UBTFL1: variants seen among roughly 807,000 people sequenced by gnomAD.
The protein encoded by UBTFL1 is upstream-binding factor 1-like protein 1.
In UBTFL1, 9 loss-of-function variants were observed where a neutral mutation model predicts 34.1. That is an observed-to-expected ratio of 0.26 (90% CI 0.16 to 0.46). The LOEUF (loss-of-function observed/expected upper bound fraction) is 0.46, where lower values mean the gene tolerates loss of function less well. Among genes scored for constraint, UBTFL1 ranks in the 20% least tolerant of loss-of-function variants. The pLI is 1.00. For synonymous variants in UBTFL1, 56 were observed against 141.6 expected, an observed-to-expected ratio of 0.40 and a Z score of 4.29; for missense variants, 146 against 418.4, an observed-to-expected ratio of 0.35 and a Z score of 5.68.
chr11:90,086,255 G>T lies in UBTFL1; in HGVS notation c.306G>T (p.Arg102Ser). The T allele has an allele frequency of 6.5e-7, 1 of 1,539,116 alleles. No individual in the cohort carries two copies. Among genetic ancestry groups the T allele is most frequent in the Non-Finnish European group, 8.8e-7 (1 of 1,139,328 alleles). ...GGAACGGTCCAGACTTTCCAAAGAG[G>T]CCCCTTACTGCTTACAATCGCTTCT... ...KYRNGPDFPKRPLTAYNRFFK... is the reference protein window; with the variant it reads ...KYRNGPDFPKSPLTAYNRFFK... Residue 102 changes from arginine (R) to serine (S), a missense_variant, in exon 1 of 1, where the codon AGG becomes AGT. By Grantham distance (110) the Arg-to-Ser change is moderately radical. This residue lies in a region of UBTFL1 where 82 missense variants were observed against 133.3 expected (regional missense o/e 0.62). Coordinates refer to ENST00000530464, the MANE Select transcript of UBTFL1 (RefSeq NM_001143975.1).
chr11:90,086,176 T>C lies in UBTFL1; in HGVS notation c.227T>C (p.Leu76Ser), dbSNP rs1159779953. The change falls in exon 1 of 1, where the codon TTA becomes TCA. Residue 76 changes from leucine (L) to serine (S), a missense_variant. This residue lies in a region of UBTFL1 where 82 missense variants were observed against 133.3 expected (regional missense o/e 0.62). Transcript: ENST00000530464. ...NLRKFGTLKE[L>S]VLEAKKCVKK... is the part of the protein sequence containing the mutation. The stretch of plus-strand genomic sequence containing the variant: ...AGAAAATTCGGCACTTTGAAAGAAT[T>C]AGTCCTGGAAGCTAAGAAATGTGTT... 6.5e-7 allele frequency: 1 copy of C among 1,533,662 alleles called. No individual in the cohort carries two copies. Among genetic ancestry groups the C allele is most frequent in the South Asian group, 1.1e-5 (1 of 87,562 alleles).
chr11:90,086,166 T>C lies in UBTFL1; in HGVS notation c.217T>C (p.Leu73=), dbSNP rs751376348. 1 of 1,531,004 alleles carries C rather than the reference T, an allele frequency of 6.5e-7. No individual in the cohort carries two copies. Among genetic ancestry groups the C allele is most frequent in the South Asian group, 1.1e-5 (1 of 87,426 alleles). 94.8% of individuals were successfully genotyped at this position (1,531,004 alleles called of 1,614,324 possible). The stretch of plus-strand genomic sequence containing the variant: ...TTGCAACTTGAGAAAATTCGGCACT[T>C]TGAAAGAATTAGTCCTGGAAGCTAA... ...ISCNLRKFGT[L]KELVLEAKKC... The change falls in exon 1 of 1, where the codon TTG becomes CTG. Residue 73 remains leucine (L), a synonymous_variant. Coordinates refer to ENST00000530464, the MANE Select transcript of UBTFL1 (RefSeq NM_001143975.1).
rs3016457 is a variant in UBTFL1 at position 90,086,235 on chromosome 11, G to A, written c.286G>A (p.Gly96Ser). 40 of 1,521,026 alleles carry A rather than the reference G, an allele frequency of 2.6e-5. 4 individuals carry two copies. The African/African-American group carries it at 5.0e-4, about 19-fold the overall frequency. The allele number at this position is 1,521,026 out of a possible 1,614,324, so 94.2% of individuals were successfully genotyped here. ...GAACAAAAGCCAAAAATACAGGAAC[G>A]GTCCAGACTTTCCAAAGAGGCCCCT... ...KMNKSQKYRN[G>S]PDFPKRPLTA... The change falls in exon 1 of 1, where the codon GGT becomes AGT. Residue 96 changes from glycine to serine, a missense_variant. Transcript: ENST00000530464.
In UBTFL1 at chr11:90,086,150, G is replaced by A; in HGVS notation, c.201G>A (p.Leu67=). ...AATGGTTAGAGATTTCTTGCAACTT[G>A]AGAAAATTCGGCACTTTGAAAGAAT... ...RLKWLEISCN[L]RKFGTLKELV... is the part of the protein sequence containing the mutation. Residue 67 remains leucine, a synonymous_variant, in exon 1 of 1, where the codon TTG becomes TTA. Transcript: ENST00000530464. 1 of 1,532,498 alleles carries A rather than the reference G, an allele frequency of 6.5e-7. No individual in the cohort carries two copies. The highest frequency in any genetic ancestry group is 8.9e-7 in the Non-Finnish European group (1 of 1,128,682). The allele number at this position is 1,532,498 out of a possible 1,614,324, so 94.9% of individuals were successfully genotyped here. A position where few individuals can be genotyped will look rare whatever the true frequency, so the allele number is the denominator to read the frequency against.
Position 90,086,229 on chromosome 11 carries a change from A to C in UBTFL1, c.280A>C (p.Arg94=). The change falls in exon 1 of 1, where the codon AGG becomes CGG. Residue 94 remains arginine, a synonymous_variant. Transcript: ENST00000530464. ...VKKMNKSQKY[R]NGPDFPKRPL... ...AAAGATGAACAAAAGCCAAAAATAC[A>C]GGAACGGTCCAGACTTTCCAAAGAG... The C allele has an allele frequency of 5.2e-6, 8 of 1,549,568 alleles. 1 individual carries two copies. Among genetic ancestry groups the C allele is most frequent in the Non-Finnish European group, 7.0e-6 (8 of 1,147,924 alleles).
Position 90,086,276 on chromosome 11 carries a change from C to T in UBTFL1, c.327C>T (p.Arg109=). The change falls in exon 1 of 1, where the codon CGC becomes CGT. Residue 109 remains arginine (R), a synonymous_variant. Coordinates refer to ENST00000530464, the MANE Select transcript of UBTFL1 (RefSeq NM_001143975.1). ...AGAGGCCCCTTACTGCTTACAATCG[C>T]TTCTTCAAGGAGAGTTGGCCCCAGT... ...FPKRPLTAYN[R]FFKESWPQYS... 2.0e-6 allele frequency: 3 copies of T among 1,527,064 alleles called. No homozygotes were observed. Among genetic ancestry groups the T allele is most frequent in the Non-Finnish European group, 2.7e-6 (3 of 1,130,550 alleles). 94.6% of individuals were successfully genotyped at this position (1,527,064 alleles called of 1,614,324 possible). A position where few individuals can be genotyped will look rare whatever the true frequency, so the allele number is the denominator to read the frequency against.
the UBTFL1 span, chr11:90,086,763 C>T: frequency 1.3e-6 from 2 of 1,561,770 alleles, no homozygotes; most frequent in Non-Finnish European, 8.7e-7. Flanking sequence ...TTTTAAGAGC[C>T]AGGCTGAGGA....
chr11:90,086,463 C>T lies in UBTFL1; in HGVS notation c.514C>T (p.Pro172Ser). ...EKLARFREEH[P>S]DLVQKAKKSS... The stretch of plus-strand genomic sequence containing the variant: ...ACTTGCTCGATTCAGGGAAGAACAC[C>T]CTGATTTAGTCCAGAAGGCCAAGAA... Residue 172 changes from proline (P) to serine (S), a missense_variant, in exon 1 of 1, where the codon CCT (proline) becomes TCT (serine). Around this residue, in one of 6 missense-constraint regions of UBTFL1, gnomAD observed 82 missense variants for 133.3 expected, o/e 0.62. Coordinates refer to ENST00000530464, the MANE Select transcript of UBTFL1 (RefSeq NM_001143975.1). The T allele has an allele frequency of 4.0e-6, 6 of 1,495,872 alleles. No homozygotes were observed. Among genetic ancestry groups the T allele is most frequent in the Non-Finnish European group, 5.4e-6 (6 of 1,108,252 alleles). The allele number at this position is 1,495,872 out of a possible 1,614,324, so 92.7% of individuals were successfully genotyped here.
Position 90,086,067 on chromosome 11 carries a change from C to G in UBTFL1, c.118C>G (p.His40Asp). The stretch of plus-strand genomic sequence containing the variant: ...CAGCACGTTTAGCTCAACTCAGTCA[C>G]ACATGGACTGGGGAAAAGTAGCTTT... ...DNSTFSSTQS[H>D]MDWGKVAFKN... Residue 40 changes from histidine to aspartate, a missense_variant, in exon 1 of 1, where the codon CAC (histidine) becomes GAC (aspartate). Coordinates refer to ENST00000530464, the MANE Select transcript of UBTFL1 (RefSeq NM_001143975.1). 2 of 1,570,978 alleles carry G rather than the reference C, an allele frequency of 1.3e-6. No individual in the cohort carries two copies.
rs1263455331 is a variant in UBTFL1, at chr11:90,086,942, G to A, written c.993G>A (p.Lys331=). ...CAGATCCACAGTCCTCATCAGCAAA[G>A]GGTCTGCAAGAAGGGTTTGGGGAGG... ...KQADPQSSSA[K]GLQEGFGEGQ... is the part of the protein sequence containing the mutation. Residue 331 remains lysine (K), a synonymous_variant, in exon 1 of 1, where the codon AAG becomes AAA. Coordinates refer to ENST00000530464, the MANE Select transcript of UBTFL1 (RefSeq NM_001143975.1). 1 of 1,014,608 alleles carries A rather than the reference G, an allele frequency of 9.9e-7. No individual in the cohort carries two copies. The highest frequency in any genetic ancestry group is 1.4e-6 in the Non-Finnish European group (1 of 695,748). 62.9% of individuals were successfully genotyped at this position (1,014,608 alleles called of 1,614,324 possible).
chr11:90,086,100 T>A lies in UBTFL1; in HGVS notation c.151T>A (p.Phe51Ile). The A allele has an allele frequency of 6.4e-7, 1 of 1,570,368 alleles. No homozygotes were observed. The highest frequency in any genetic ancestry group is 8.6e-7 in the Non-Finnish European group (1 of 1,158,580). Residue 51 changes from phenylalanine to isoleucine, a missense_variant, in exon 1 of 1, where the codon TTT (phenylalanine) becomes ATT (isoleucine). Physicochemically the swap from Phe to Ile is conservative, Grantham distance 21. Transcript: ENST00000530464. ...CTGGGGAAAAGTAGCTTTTAAAAAC[T>A]TTTCTGGTGAAATGTGCAGACTCAA... is the stretch of plus-strand genomic sequence containing the variant. Reference protein sequence around the residue: ...MDWGKVAFKNFSGEMCRLKWL... With the variant: ...MDWGKVAFKNISGEMCRLKWL...
In UBTFL1 at chr11:90,086,791, A is replaced by C. The variant is rs1406441228; in HGVS notation, c.842A>C (p.Lys281Thr). The C allele has an allele frequency of 1.3e-6, 2 of 1,526,924 alleles. No individual in the cohort carries two copies. The highest frequency in any genetic ancestry group is 1.8e-6 in the Non-Finnish European group (2 of 1,126,362). 94.6% of individuals were successfully genotyped at this position (1,526,924 alleles called of 1,614,324 possible). ...GCTGAGGAGCTGCAGAAGCAATACA[A>C]GGTGAAATTGGATCTCTGGCTCAAG... ...SQAEELQKQY[K>T]VKLDLWLKTL... The change falls in exon 1 of 1, where the codon AAG becomes ACG. Residue 281 changes from lysine (K) to threonine (T), a missense_variant. Coordinates refer to ENST00000530464, the MANE Select transcript of UBTFL1 (RefSeq NM_001143975.1).
In UBTFL1 at chr11:90,086,773, A is replaced by G. The variant is rs1240990486; in HGVS notation, c.824A>G (p.Glu275Gly). The part of the protein sequence containing the change: ...QKDHFKSQAE[E>G]LQKQYKVKLD... ...GATCATTTTAAGAGCCAGGCTGAGG[A>G]GCTGCAGAAGCAATACAAGGTGAAA... The change falls in exon 1 of 1, where the codon GAG (glutamate) becomes GGG (glycine). Residue 275 changes from glutamate (E) to glycine (G), a missense_variant. Physicochemically the swap from Glu to Gly is moderately conservative, Grantham distance 98 (BLOSUM62 -2). Around this residue, in one of 6 missense-constraint regions of UBTFL1, gnomAD observed 36 missense variants for 93.7 expected, o/e 0.38. Coordinates refer to ENST00000530464, the MANE Select transcript of UBTFL1 (RefSeq NM_001143975.1). 5.1e-5 allele frequency: 80 copies of G among 1,560,846 alleles called. 6 individuals carry two copies. The highest frequency in any genetic ancestry group is 1.8e-5 in the Non-Finnish European group (21 of 1,154,314).
rs1206797196 is a variant in UBTFL1, at chr11:90,086,130, T to A, written c.181T>A (p.Leu61Ile). ...FSGEMCRLKW[L>I]EISCNLRKFG... ...TGGTGAAATGTGCAGACTCAAATGGTTAGAGATTTCTTGCAACTTGAGAAA... is the reference window on the plus strand; with the variant it reads ...TGGTGAAATGTGCAGACTCAAATGGATAGAGATTTCTTGCAACTTGAGAAA... Residue 61 changes from leucine (L) to isoleucine (I), a missense_variant, in exon 1 of 1, where the codon TTA becomes ATA. This residue lies in a region of UBTFL1 where 82 missense variants were observed against 133.3 expected (regional missense o/e 0.62). Transcript: ENST00000530464. The A allele has an allele frequency of 1.3e-6, 2 of 1,543,000 alleles. No individual in the cohort carries two copies. The highest frequency in any genetic ancestry group is 2.7e-5 in the African/African-American group (2 of 73,644).
Position 90,086,665 on chromosome 11 carries a change from G to C in UBTFL1, c.716G>C (p.Ser239Thr), listed in dbSNP as rs200741634. 6.2e-4 allele frequency: 888 copies of C among 1,422,990 alleles called. 186 individuals carry two copies. The highest frequency in any genetic ancestry group is 7.9e-4 in the Non-Finnish European group (841 of 1,067,168). 88.1% of individuals were successfully genotyped at this position (1,422,990 alleles called of 1,614,324 possible). The stretch of plus-strand genomic sequence containing the variant: ...AAGTTTCACCAAGATTCCTGGTCAA[G>C]TAAAGAGATGCAACATTTGTCAGTG... ...YHKFHQDSWS[S>T]KEMQHLSVRE... The change falls in exon 1 of 1, where the codon AGT (serine) becomes ACT (threonine). Residue 239 changes from serine to threonine, a missense_variant. Ser to Thr is a moderately conservative substitution (Grantham distance 58). This residue lies in a region of UBTFL1 where 36 missense variants were observed against 93.7 expected (regional missense o/e 0.38). Transcript: ENST00000530464.
chr11:90,086,249 A>G lies in UBTFL1; in HGVS notation c.300A>G (p.Pro100=). ...AATACAGGAACGGTCCAGACTTTCC[A>G]AAGAGGCCCCTTACTGCTTACAATC... ...SQKYRNGPDF[P]KRPLTAYNRF... The change falls in exon 1 of 1, where the codon CCA becomes CCG. Residue 100 remains proline, a synonymous_variant. Coordinates refer to ENST00000530464, the MANE Select transcript of UBTFL1 (RefSeq NM_001143975.1). 2 of 1,548,024 alleles carry G rather than the reference A, an allele frequency of 1.3e-6. No individual in the cohort carries two copies. Among genetic ancestry groups the G allele is most frequent in the Non-Finnish European group, 1.7e-6 (2 of 1,146,540 alleles).
Position 90,086,142 on chromosome 11 carries a change from T to G in UBTFL1, c.193T>G (p.Cys65Gly), listed in dbSNP as rs765258067. 6.5e-7 allele frequency: 1 copy of G among 1,534,856 alleles called. No individual in the cohort carries two copies. The highest frequency in any genetic ancestry group is 8.8e-7 in the Non-Finnish European group (1 of 1,130,440). Reference protein sequence around the residue: ...MCRLKWLEISCNLRKFGTLKE... With the variant: ...MCRLKWLEISGNLRKFGTLKE... ...CAGACTCAAATGGTTAGAGATTTCT[T>G]GCAACTTGAGAAAATTCGGCACTTT... The change falls in exon 1 of 1, where the codon TGC becomes GGC. Residue 65 changes from cysteine (C) to glycine (G), a missense_variant. Physicochemically the swap from Cys to Gly is radical, Grantham distance 159. Coordinates refer to ENST00000530464, the MANE Select transcript of UBTFL1 (RefSeq NM_001143975.1).
Position 90,086,375 on chromosome 11 carries a change from A to T in UBTFL1, c.426A>T (p.Pro142=), listed in dbSNP as rs774187695. ...KILSKKYREL[P]EQMKQKYIQD... ...TGTCAAAGAAATACAGGGAACTCCC[A>T]GAGCAGATGAAACAGAAATATATTC... Residue 142 remains proline, a synonymous_variant, in exon 1 of 1, where the codon CCA becomes CCT. Coordinates refer to ENST00000530464, the MANE Select transcript of UBTFL1 (RefSeq NM_001143975.1). 2.6e-5 allele frequency: 40 copies of T among 1,522,392 alleles called. 4 individuals are homozygous for T. In the African/African-American group the frequency reaches 5.3e-4, roughly 20 times the overall value. 94.3% of individuals were successfully genotyped at this position (1,522,392 alleles called of 1,614,324 possible).
chr11:90,086,256 C>A lies in UBTFL1; in HGVS notation c.307C>A (p.Pro103Thr). Residue 103 changes from proline (P) to threonine (T), a missense_variant, in exon 1 of 1, where the codon CCC (proline) becomes ACC (threonine). By Grantham distance (38) the Pro-to-Thr change is conservative. Coordinates refer to ENST00000530464, the MANE Select transcript of UBTFL1 (RefSeq NM_001143975.1). ...GAACGGTCCAGACTTTCCAAAGAGG[C>A]CCCTTACTGCTTACAATCGCTTCTT... is the stretch of plus-strand genomic sequence containing the variant. ...YRNGPDFPKR[P>T]LTAYNRFFKE... The A allele has an allele frequency of 6.5e-7, 1 of 1,539,146 alleles. No homozygotes were observed. The highest frequency in any genetic ancestry group is 8.8e-7 in the Non-Finnish European group (1 of 1,139,306).
Sources: allele counts gnomAD v4.1 joint callset, GRCh38; gene constraint gnomAD v4.1.1; regional missense constraint gnomAD v4.1.1; transcripts MANE v1.5; gene names NCBI Gene and HGNC (gene_info 2026-07-23, HGNC 2026-07-21).